Variants in SDR42E2 observed in about 807,000 individuals in gnomAD.
SDR42E2 encodes putative short-chain dehydrogenase/reductase family 42E member 2.
In SDR42E2, 20 loss-of-function variants were observed where a neutral mutation model predicts 10.5. The observed-to-expected ratio is 1.90, with a 90% CI of 1.34 to 2.77. SDR42E2 has a LOEUF of 2.77. Ranked by LOEUF, SDR42E2 falls within the 30% of genes most tolerant of loss-of-function variation. The pLI is 0.00. For missense variants in SDR42E2, 162 were observed against 104.2 expected (o/e 1.55, Z -2.42); for synonymous variants, 72 against 39.2 (o/e 1.84, Z -3.12).
intron 11 of SDR42E2, 48 bp downstream of exon 11, chr16:22,184,292 C>A: frequency 5.0e-6 from 2 of 400,312 alleles, no homozygotes; most frequent in Non-Finnish European, 8.9e-6. Context: ...GCCAGGTGTA[C>A]CTTGCATTGC....
intron 9 of SDR42E2, among the ~76,000 whole-genome samples, 158 bp from the exon 10 acceptor site, chr16:22,182,054 T>C (rs545876525): frequency 6.6e-6 from 1 of 152,302 alleles, no homozygotes; most frequent in African/African-American, 2.4e-5. Flanking sequence ...GTCAGTGTGG[T>C]CGTCCTGGAA....
At chr16:22,183,499 C>T (rs902796885) in intron 10 of SDR42E2, among the ~76,000 whole-genome samples, 27 of 152,200 alleles carry the variant, frequency 1.8e-4, no homozygotes, top group Non-Finnish European at 3.7e-4. Context: ...CCTCCCCACA[C>T]GGCAGCCCGG....
At chr16:22,189,205 G>A (rs2046754395) in intron 12 of SDR42E2, among the ~76,000 whole-genome samples, 1 of 152,278 alleles carries the variant, frequency 6.6e-6, no homozygotes, top group African/African-American at 2.4e-5. Context: ...AAGACCACAG[G>A]TTTGACCCCA....
chr16:22,168,815 G>A (rs1216104011), intron 4 of SDR42E2, among the ~76,000 whole-genome samples: 1 of 152,106 alleles, frequency 6.6e-6, no homozygotes, highest in Non-Finnish European at 1.5e-5. Flanking sequence ...AGAGGTTGCA[G>A]TGAGCCAAGA....
intron 7 of SDR42E2, among the ~76,000 whole-genome samples, chr16:22,174,921 T>C (rs2046631986): frequency 6.6e-6 from 1 of 152,082 alleles, no homozygotes; most frequent in Non-Finnish European, 1.5e-5. Context: ...TCACCCAATA[T>C]CTGCCTTCCA....
At chr16:22,178,322 G>A (rs2046663164) in intron 8 of SDR42E2, 110 bp downstream of exon 8, 2 of 621,030 alleles carry the variant, frequency 3.2e-6, no homozygotes, top group Admixed American at 5.0e-5. Context: ...GAGGCTAAGT[G>A]TCCTGAGCCT....
At chr16:22,176,318 G>C (rs559881846) in intron 7 of SDR42E2, among the ~76,000 whole-genome samples, 1 of 151,982 alleles carries the variant, frequency 6.6e-6, no homozygotes, top group Non-Finnish European at 1.5e-5. Context: ...TGGGGGTCTC[G>C]TTTTATTGCC....
At position 22,178,047 on chromosome 16, in the gene SDR42E2, C is replaced by T. The variant is rs1043758442; in HGVS notation, c.590-83C>T. 10 of 663,152 alleles carry T rather than the reference C, an allele frequency of 1.5e-5. No homozygotes were observed. The Admixed American group carries it at 2.2e-4, about 15-fold the overall frequency. 41.1% of individuals were successfully genotyped at this position (663,152 alleles called of 1,614,324 possible). ...CCCTCTAGCCTGTCCAGGTAAGCACCAACAGATGGAGGTGGCCTCTCTCTC... is the reference window on the plus strand; with the variant it reads ...CCCTCTAGCCTGTCCAGGTAAGCACTAACAGATGGAGGTGGCCTCTCTCTC... On this transcript the variant is annotated intron_variant, in intron 7 of 12. Transcript: ENST00000602312.
At chr16:22,179,813 CAAA>C (rs397757924) in intron 8 of SDR42E2, among the ~76,000 whole-genome samples, 6 of 94,712 alleles carry the variant, frequency 6.3e-5, no homozygotes, top group African/African-American at 7.3e-5. Flanking sequence ...AACTTCATCT[CAAA>C]AAAAAAAAAA....
chr16:22,188,004 A>G (rs57122421), intron 12 of SDR42E2, among the ~76,000 whole-genome samples: 64,096 of 151,538 alleles, frequency 0.42, 15,623 homozygotes, highest in East Asian at 0.88. Context: ...GCTGAGGCAG[A>G]AGAGTCGCTT....
intron 5 of SDR42E2, among the ~76,000 whole-genome samples, 177 bp from the exon 6 acceptor site, chr16:22,170,656 C>T (rs2046590371): frequency 1.3e-5 from 2 of 152,108 alleles, no homozygotes; most frequent in African/African-American, 2.4e-5. Flanking sequence ...CTCTTCCCTC[C>T]TGAACAGCTG....
intron 7 of SDR42E2, among the ~76,000 whole-genome samples, chr16:22,177,779 GC>G (rs1240574048): frequency 6.6e-6 from 1 of 152,138 alleles, no homozygotes; most frequent in Non-Finnish European, 1.5e-5. Flanking sequence ...AAATCACTCT[GC>G]CGAGTGCTTG....
chr16:22,171,966 T>G (rs951763841), intron 6 of SDR42E2, among the ~76,000 whole-genome samples: 1 of 152,212 alleles, frequency 6.6e-6, no homozygotes, highest in Admixed American at 6.5e-5. Flanking sequence ...CCAGCATGTG[T>G]CCAGCATCAG....
At chr16:22,164,199 G>A (rs1328587536) in intron 1 of SDR42E2, among the ~76,000 whole-genome samples, 1 of 152,112 alleles carries the variant, frequency 6.6e-6, no homozygotes, top group Admixed American at 6.5e-5. Context: ...CAGGAGAATT[G>A]CTTGAGTTCC....
intron 12 of SDR42E2, among the ~76,000 whole-genome samples, chr16:22,187,041 C>A (rs973333337): frequency 6.6e-6 from 1 of 152,108 alleles, no homozygotes; most frequent in African/African-American, 2.4e-5. Context: ...CCAAGCCTAT[C>A]CATCATCACT....
chr16:22,167,117 A>C, intron 4 of SDR42E2, 118 bp downstream of exon 4: 1 of 371,398 alleles, frequency 2.7e-6, no homozygotes. Context: ...GACTTGGGCT[A>C]CTCCCACCCT....
At chr16:22,168,587 T>C (rs1164061121) in intron 4 of SDR42E2, among the ~76,000 whole-genome samples, 2 of 151,792 alleles carry the variant, frequency 1.3e-5, no homozygotes, top group Admixed American at 6.6e-5. Flanking sequence ...AAAGAATAAA[T>C]ATAGGCTGGA....
chr16:22,177,397 C>T (rs1360015754), intron 7 of SDR42E2, among the ~76,000 whole-genome samples: 3 of 152,072 alleles, frequency 2.0e-5, no homozygotes, highest in Non-Finnish European at 2.9e-5. Flanking sequence ...GAGGCCAAGG[C>T]GGGTGGATCA....
intron 7 of SDR42E2, among the ~76,000 whole-genome samples, chr16:22,173,264 G>A (rs552299370): frequency 5.3e-5 from 8 of 151,976 alleles, no homozygotes; most frequent in African/African-American, 1.7e-4. Flanking sequence ...CTGTCACCCA[G>A]GCTGCAGTGA....
Sources: allele counts gnomAD v4.1 joint callset (sites outside exome capture counted in the v4.1 genomes callset), GRCh38; gene constraint gnomAD v4.1.1; transcripts MANE v1.5; gene names NCBI Gene and HGNC (gene_info 2026-07-23, HGNC 2026-07-21).